The following PCDH15 variants were observed in gnomAD, a reference collection of about 807,000 sequenced individuals.
PCDH15 encodes the protein protocadherin related 15, also known as protocadherin-15.
PCDH15 carries 129 observed loss-of-function variants against 178.5 expected under a neutral mutation model. That is an observed-to-expected ratio of 0.72 (90% confidence interval 0.63 to 0.84). The LOEUF (loss-of-function observed/expected upper bound fraction) is 0.84, where lower values mean the gene tolerates loss of function less well. PCDH15 is among the 40% of genes least tolerant of loss of function. The probability of loss-of-function intolerance (pLI) is 0.00; values close to 1 mark genes in which losing one functional copy is unlikely to be tolerated. For synonymous variants in PCDH15, 800 were observed against 732.0 expected, an observed-to-expected ratio of 1.09 and a Z score of -1.50; for missense variants, 2,230 against 2,099.9, an observed-to-expected ratio of 1.06 and a Z score of -1.21.
At chr10:54,914,708 A>G (rs1428445762) in intron 2 of PCDH15, among the ~76,000 whole-genome samples, 1 of 152,218 alleles carries the variant, frequency 6.6e-6, no homozygotes, top group Non-Finnish European at 1.5e-5. Flanking sequence ...TGCTGAAAAC[A>G]GCATTAGATA....
intron 21 of PCDH15, 40 bp from the exon 22 acceptor site, chr10:53,961,932 G>A: frequency 2.0e-6 from 3 of 1,507,190 alleles, no homozygotes; most frequent in Non-Finnish European, 9.2e-7. Flanking sequence ...CTGTTACCAA[G>A]TTAAAACACA....
intron 2 of PCDH15, among the ~76,000 whole-genome samples, chr10:54,954,153 G>T (rs1000245298): frequency 1.3e-5 from 2 of 151,104 alleles, no homozygotes; most frequent in East Asian, 3.9e-4. Context: ...TAAAATAATA[G>T]AATGTCATTG....
At chr10:54,849,820 C>T (rs1469912432) in intron 3 of PCDH15, among the ~76,000 whole-genome samples, 1 of 152,086 alleles carries the variant, frequency 6.6e-6, no homozygotes, top group Non-Finnish European at 1.5e-5. Flanking sequence ...ATTGATATAT[C>T]TTTGAATCTT....
At chr10:54,330,852 G>T (rs1228599384) in intron 6 of PCDH15, among the ~76,000 whole-genome samples, 1 of 151,924 alleles carries the variant, frequency 6.6e-6, no homozygotes, top group Non-Finnish European at 1.5e-5. Flanking sequence ...CAATAACTCA[G>T]TGTTATTTTG....
chr10:54,483,463 A>T (rs540931993), intron 3 of PCDH15, among the ~76,000 whole-genome samples: 1 of 151,940 alleles, frequency 6.6e-6, no homozygotes, highest in East Asian at 1.9e-4. Context: ...CATTTTAGGA[A>T]TCTTCCATTA....
intron 32 of PCDH15, chr10:53,825,165 AG>A (rs2076594152): frequency 1.3e-6 from 2 of 1,530,274 alleles, no homozygotes; most frequent in African/African-American, 1.4e-5. Context: ...GGTGAGAAAC[AG>A]AAAACATGTG....
intron 3 of PCDH15, among the ~76,000 whole-genome samples, chr10:54,493,980 G>T (rs532662582): frequency 4.6e-5 from 7 of 150,568 alleles, no homozygotes; most frequent in East Asian, 2.0e-4. Context: ...GTAAACTATC[G>T]CAAGGACAAA....
intron 15 of PCDH15, among the ~76,000 whole-genome samples, chr10:54,122,888 AG>A (rs2041671580): frequency 3.5e-5 from 5 of 142,408 alleles, no homozygotes; most frequent in Admixed American, 1.4e-4. Flanking sequence ...AAAAAAAAAA[AG>A]GGAACCCTTG....
intron 2 of PCDH15, among the ~76,000 whole-genome samples, chr10:54,918,038 A>G (rs980722005): frequency 1.4e-5 from 2 of 147,894 alleles, no homozygotes. Context: ...CTCCCTCTCC[A>G]TACTTTAAGT....
intron 2 of PCDH15, among the ~76,000 whole-genome samples, chr10:55,153,668 T>C (rs4336939): frequency 0.93 from 140,700 of 152,092 alleles, 65,749 homozygotes; most frequent in East Asian, 1. Flanking sequence ...CCTTCATAGG[T>C]TTAAGGGCAT....
At position 55,520,509 on chromosome 10, in the gene PCDH15, ATG is replaced by A. The variant is rs1283132197; in HGVS notation, c.-156+107114_-156+107115del. Among the ~76,000 whole-genome samples, 925 of 128,562 alleles carry A rather than the reference ATG, an allele frequency of 7.2e-3. 6 individuals are homozygous for A. The highest frequency in any genetic ancestry group is 0.023 in the African/African-American group (843 of 36,812). 84.3% of individuals were successfully genotyped at this position (128,562 alleles called of 152,430 possible). On this transcript the variant is annotated intron_variant, in intron 2 of 5. Coordinates refer to the PCDH15 transcript ENST00000613346. ...TTATTAGCTGTGTGTGTGTGTGTAT[ATG>A]TGTGTGTGTGTGTATATATATATGT...
chr10:55,556,104 CTA>C (rs1180134713), intron 2 of PCDH15, among the ~76,000 whole-genome samples: 1 of 151,942 alleles, frequency 6.6e-6, no homozygotes, highest in Non-Finnish European at 1.5e-5. Flanking sequence ...CACTATAGCT[CTA>C]GATTATTAAT....
chr10:55,290,199 T>C lies in PCDH15; in HGVS notation c.-156+29400A>G, dbSNP rs575444747. On this transcript the variant is annotated intron_variant, in intron 1 of 5. Transcript: ENST00000458638. ...ACCGTACATGTTTGTGTGAATTGAATTGTGTCCCTCAAGGAGATGGGTTGA... is the reference window on the plus strand; with the variant it reads ...ACCGTACATGTTTGTGTGAATTGAACTGTGTCCCTCAAGGAGATGGGTTGA... 3.3e-5 allele frequency among the ~76,000 whole-genome samples: 5 copies of C among 152,064 alleles called. No homozygotes were observed. The East Asian group carries it at 9.6e-4, about 29-fold the overall frequency.
chr10:54,052,462 G>C (rs774396081), intron 18 of PCDH15, among the ~76,000 whole-genome samples: 66 of 152,318 alleles, frequency 4.3e-4, no homozygotes, highest in Non-Finnish European at 7.6e-4. Flanking sequence ...TGCCCTCTTG[G>C]ATTTTGGACT....
At chr10:54,577,479 G>A (rs1310753552) in intron 2 of PCDH15, among the ~76,000 whole-genome samples, 1 of 151,736 alleles carries the variant, frequency 6.6e-6, no homozygotes, top group Admixed American at 6.6e-5. Context: ...AAAATGTAGT[G>A]TCCAACTGTT....
chr10:54,019,937 G>A (rs1394412585), intron 20 of PCDH15, among the ~76,000 whole-genome samples: 1 of 152,040 alleles, frequency 6.6e-6, no homozygotes, highest in African/African-American at 2.4e-5. Flanking sequence ...AAGTCACAGA[G>A]CTGATGCAGA....
intron 2 of PCDH15, among the ~76,000 whole-genome samples, chr10:54,579,035 C>T (rs184050863): frequency 2.2e-4 from 33 of 152,148 alleles, no homozygotes; most frequent in East Asian, 3.9e-4. Flanking sequence ...TCTGCCACCA[C>T]GAGAACACAA....
Position 53,919,613 on chromosome 10 carries a change from G to T in PCDH15, c.3374-16243C>A, listed in dbSNP as rs367838521. On this transcript the variant is annotated intron_variant, in intron 25 of 37. Transcript: ENST00000644397. ...GTCTAAAATTACTCAACTAGGAGAA[G>T]GCATAAATAAGATTCAGACTGAACC... Among the ~76,000 whole-genome samples, 8 of 152,220 alleles carry T rather than the reference G, an allele frequency of 5.3e-5. No individual in the cohort carries two copies. In the East Asian group the frequency reaches 1.3e-3, roughly 26 times the overall value.
At chr10:54,718,684 CTTTTTTTT>C (rs71461255) in intron 1 of PCDH15, among the ~76,000 whole-genome samples, 1 of 111,520 alleles carries the variant, frequency 9.0e-6, no homozygotes, top group African/African-American at 3.4e-5. Context: ...CACACTGATT[CTTTTTTTT>C]TTTTTTTTTT....
Sources: allele counts gnomAD v4.1 joint callset (sites outside exome capture counted in the v4.1 genomes callset), GRCh38; gene constraint gnomAD v4.1.1; transcripts MANE v1.5; gene names NCBI Gene and HGNC (gene_info 2026-07-23, HGNC 2026-07-21).